RBKS: variants seen among roughly 807,000 people sequenced by gnomAD.
RBKS encodes the protein ribokinase.
Under a neutral mutation model 33.9 loss-of-function variants are expected in RBKS, and 33 were observed. The observed-to-expected ratio is 0.97, with a 90% CI of 0.74 to 1.30. The LOEUF is 1.30. RBKS is among the 50% of genes most tolerant of loss of function. The pLI is 0.00. For missense variants in RBKS, 361 were observed against 392.6 expected, an observed-to-expected ratio of 0.92 and a Z score of 0.68; for synonymous variants, 125 against 143.0, an observed-to-expected ratio of 0.87 and a Z score of 0.90.
chr2:27,882,975 A>G (rs1664447768), intron 1 of RBKS, among the ~76,000 whole-genome samples: 1 of 152,086 alleles, frequency 6.6e-6, no homozygotes, highest in African/African-American at 2.4e-5. Context: ...ATAACTAATG[A>G]GAACTAGGCT....
intron 7 of RBKS, among the ~76,000 whole-genome samples, chr2:27,818,007 G>T (rs561442643): frequency 2.2e-4 from 34 of 152,282 alleles, no homozygotes; most frequent in African/African-American, 7.5e-4. Context: ...ACGTGGTCCT[G>T]CTCCTTACCA....
At chr2:27,803,905 G>C (rs924755695) in intron 7 of RBKS, among the ~76,000 whole-genome samples, 1 of 152,060 alleles carries the variant, frequency 6.6e-6, no homozygotes, top group African/African-American at 2.4e-5. Context: ...ACAAAAATTA[G>C]CTGGGCATGG....
intron 1 of RBKS, among the ~76,000 whole-genome samples, chr2:27,884,518 T>C (rs2148233835): frequency 6.6e-6 from 1 of 152,214 alleles, no homozygotes; most frequent in East Asian, 1.9e-4. Context: ...GTGCTGGGAT[T>C]ATAGGCTTGA....
intron 1 of RBKS, among the ~76,000 whole-genome samples, chr2:27,876,859 G>A (rs1664324896): frequency 6.6e-6 from 1 of 152,034 alleles, no homozygotes; most frequent in African/African-American, 2.4e-5. Context: ...AAATTCTAAA[G>A]GACAATAATA....
intron 1 of RBKS, among the ~76,000 whole-genome samples, chr2:27,868,212 A>T (rs1366314474): frequency 2.0e-5 from 3 of 152,212 alleles, no homozygotes; most frequent in African/African-American, 4.8e-5. Flanking sequence ...CATAAGACAA[A>T]ATAATGTAAT....
intron 4 of RBKS, among the ~76,000 whole-genome samples, chr2:27,843,787 C>G (rs1246440645): frequency 6.6e-6 from 1 of 152,112 alleles, no homozygotes; most frequent in Non-Finnish European, 1.5e-5. Context: ...ATGGATCAAA[C>G]AGAAACAGAA....
chr2:27,862,781 A>G (rs1664016440), intron 1 of RBKS, among the ~76,000 whole-genome samples: 1 of 152,320 alleles, frequency 6.6e-6, no homozygotes, highest in East Asian at 1.9e-4. Flanking sequence ...GGCGGATTTA[A>G]TTTTTTATAA....
At chr2:27,827,848 T>G in intron 6 of RBKS, 93 bp from the exon 7 acceptor site, 1 of 1,126,440 alleles carries the variant, frequency 8.9e-7, no homozygotes, top group Non-Finnish European at 1.2e-6. Flanking sequence ...TCTCCCTTCT[T>G]TTTTATAACA....
chr2:27,885,401 CA>C (rs1440610131), intron 1 of RBKS, among the ~76,000 whole-genome samples: 5 of 152,174 alleles, frequency 3.3e-5, no homozygotes, highest in Admixed American at 2.6e-4. Flanking sequence ...CTCCCCTGCT[CA>C]AATCCTCCAC....
rs984450077 is a variant in RBKS, at chr2:27,810,731, T to C, written c.795+16836A>G. ...TTATGTCATCTGAATTCCCATGAGC[T>C]CTCAAACCCACTTCTCAGCATCCCC... is the stretch of plus-strand genomic sequence containing the variant. On this transcript the variant is annotated intron_variant, in intron 7 of 7. Transcript: ENST00000302188. The surrounding 1 kb of genome is among the most constrained non-coding windows in gnomAD (Gnocchi z 4.4). 3.9e-5 allele frequency among the ~76,000 whole-genome samples: 6 copies of C among 152,244 alleles called. No individual in the cohort carries two copies. The highest frequency in any genetic ancestry group is 1.4e-4 in the African/African-American group (6 of 41,536).
At chr2:27,823,769 C>T (rs1422858780) in intron 7 of RBKS, among the ~76,000 whole-genome samples, 1 of 152,150 alleles carries the variant, frequency 6.6e-6, no homozygotes, top group East Asian at 1.9e-4. Flanking sequence ...ACTGCTGCTC[C>T]ACCTGGGGGA....
chr2:27,832,699 C>G lies in RBKS; in HGVS notation c.593G>C (p.Cys198Ser). ...ATTCACCCTTACCTCACTTTCATTGCAGCAGAACACATCTGAGAGGGTGTA... is the reference window on the plus strand; with the variant it reads ...ATTCACCCTTACCTCACTTTCATTGGAGCAGAACACATCTGAGAGGGTGTA... ...QFYTLSDVFC[C>S]NESEAEILTG... is the part of the protein sequence containing the mutation. Residue 198 changes from cysteine to serine, a missense_variant, in exon 6 of 8, where the codon TGC becomes TCC. Coordinates refer to ENST00000302188, the MANE Select transcript of RBKS (RefSeq NM_022128.3). 1 of 1,611,522 alleles carries G rather than the reference C, an allele frequency of 6.2e-7. No individual in the cohort carries two copies. Among genetic ancestry groups the G allele is most frequent in the Non-Finnish European group, 8.5e-7 (1 of 1,177,756 alleles).
chr2:27,852,357 A>G (rs1663767685), intron 2 of RBKS, among the ~76,000 whole-genome samples: 1 of 152,128 alleles, frequency 6.6e-6, no homozygotes, highest in Admixed American at 6.5e-5. Context: ...TCTGTATTTG[A>G]CAATGCAGCA....
intron 7 of RBKS, among the ~76,000 whole-genome samples, chr2:27,797,619 AG>A (rs1245453126): frequency 6.6e-6 from 1 of 152,148 alleles, no homozygotes; most frequent in Non-Finnish European, 1.5e-5. Context: ...GGGATGGAAG[AG>A]GGAAGGCCAT....
intron 7 of RBKS, among the ~76,000 whole-genome samples, chr2:27,813,172 A>G (rs1678024883): frequency 6.6e-6 from 1 of 152,194 alleles, no homozygotes. Flanking sequence ...TTCTCTGGCA[A>G]GAAATACCTT....
At chr2:27,849,580 A>AG (rs1357537399) in intron 2 of RBKS, among the ~76,000 whole-genome samples, 9 of 137,288 alleles carry the variant, frequency 6.6e-5, no homozygotes, top group African/African-American at 9.3e-5. Context: ...AAAAAAAAAA[A>AG]AAAAAAGAAA....
At chr2:27,841,975 A>G (rs993886349) in intron 5 of RBKS, among the ~76,000 whole-genome samples, 1 of 152,058 alleles carries the variant, frequency 6.6e-6, no homozygotes, top group Admixed American at 6.6e-5. Context: ...TGAAGAGGAA[A>G]AAATTGGGAT....
In RBKS at chr2:27,786,282, T is replaced by C. The variant is rs192393137; in HGVS notation, c.796-4494A>G. 1.5e-3 allele frequency among the ~76,000 whole-genome samples: 236 copies of C among 152,336 alleles called. 2 individuals carry two copies. The highest frequency in any genetic ancestry group is 5.7e-4 in the Non-Finnish European group (39 of 68,038). The stretch of plus-strand genomic sequence containing the variant: ...TTATATTGTTTGATTTGCTATAAGC[T>C]TATAATATTTTTCCAAAAAAGTTTC... On this transcript the variant is annotated intron_variant, in intron 7 of 7. Transcript: ENST00000302188.
intron 7 of RBKS, among the ~76,000 whole-genome samples, chr2:27,782,886 T>A (rs979878550): frequency 6.6e-6 from 1 of 152,196 alleles, no homozygotes; most frequent in Non-Finnish European, 1.5e-5. Context: ...GTTTCTATGC[T>A]CTATCTCCTT....
Sources: gnomAD v4.1 joint callset for allele counts (sites outside exome capture counted in the v4.1 genomes callset) on GRCh38, gnomAD v4.1.1 for gene constraint, Gnocchi (gnomAD v3.1) non-coding constraint, MANE v1.5 for transcripts, NCBI Gene and HGNC (gene_info 2026-07-23, HGNC 2026-07-21) for gene names.